The following ELMO1 variants were observed in gnomAD, a reference collection of about 807,000 sequenced individuals.
ELMO1 encodes engulfment and cell motility 1.
ELMO1 carries 26 observed loss-of-function variants against 98.9 expected under a neutral mutation model. That is an observed-to-expected ratio of 0.26 (90% CI 0.19 to 0.36). The LOEUF (loss-of-function observed/expected upper bound fraction) is 0.36. Among genes scored for constraint, ELMO1 ranks in the 10% least tolerant of loss-of-function variants. ELMO1 has a pLI of 1.00. For missense variants in ELMO1, 627 were observed against 935.2 expected (o/e 0.67, Z 4.30); for synonymous variants, 346 against 346.0 (o/e 1.00, Z 0.00).
At chr7:36,875,460 T>A (rs1414224293) in intron 19 of ELMO1, among the ~76,000 whole-genome samples, 1 of 152,220 alleles carries the variant, frequency 6.6e-6, no homozygotes, top group African/African-American at 2.4e-5. Flanking sequence ...CACACAAGTA[T>A]GCATTGTTAG....
intron 2 of ELMO1, among the ~76,000 whole-genome samples, chr7:37,317,081 CA>C (rs1342736742): frequency 6.6e-6 from 1 of 152,110 alleles, no homozygotes; most frequent in Non-Finnish European, 1.5e-5. Flanking sequence ...TAAATTAATA[CA>C]AAGGGCAAAA....
At chr7:37,442,572 A>T (rs1263563230) in intron 1 of ELMO1, among the ~76,000 whole-genome samples, 2 of 152,214 alleles carry the variant, frequency 1.3e-5, no homozygotes, top group South Asian at 2.1e-4. Context: ...AATAAATTGC[A>T]TTCTAGCTCA....
chr7:37,369,454 A>G (rs762958745), intron 1 of ELMO1, among the ~76,000 whole-genome samples: 1 of 152,184 alleles, frequency 6.6e-6, no homozygotes, highest in Non-Finnish European at 1.5e-5. Flanking sequence ...GATTAGGGAT[A>G]CTCAACCTGT....
At chr7:37,216,398 G>C (rs1047679317) in intron 11 of ELMO1, among the ~76,000 whole-genome samples, 4 of 151,868 alleles carry the variant, frequency 2.6e-5, no homozygotes, top group African/African-American at 9.7e-5. Context: ...GCCAGAATGC[G>C]TTCCCCCTTT....
intron 16 of ELMO1, among the ~76,000 whole-genome samples, chr7:36,945,105 A>G (rs1787364599): frequency 6.6e-6 from 1 of 152,162 alleles, no homozygotes; most frequent in Non-Finnish European, 1.5e-5. Flanking sequence ...TCATTACTTC[A>G]TTATTCACAG....
intron 15 of ELMO1, among the ~76,000 whole-genome samples, chr7:37,096,329 A>G (rs765543857): frequency 2.3e-4 from 35 of 152,084 alleles, no homozygotes; most frequent in Admixed American, 6.5e-4. Flanking sequence ...TTTTTTCCTG[A>G]ACAGAAGCAA....
At chr7:36,897,912 C>T (rs1031325054) in intron 16 of ELMO1, among the ~76,000 whole-genome samples, 3 of 152,144 alleles carry the variant, frequency 2.0e-5, no homozygotes, top group Non-Finnish European at 2.9e-5. Context: ...AGGCACCTGG[C>T]CCCAGAGGAA....
At chr7:37,022,244 A>G (rs1384102858) in intron 15 of ELMO1, among the ~76,000 whole-genome samples, 3 of 152,208 alleles carry the variant, frequency 2.0e-5, no homozygotes, top group African/African-American at 7.2e-5. Context: ...AAACTGTTTG[A>G]TTCTATTATA....
chr7:37,253,895 T>C lies in ELMO1; in HGVS notation c.413+5286A>G, dbSNP rs1265355889. On this transcript the variant is annotated intron_variant, in intron 6 of 21. Coordinates refer to ENST00000310758, the MANE Select transcript of ELMO1 (RefSeq NM_014800.11). ...ACGACCACCTTCTCCAGCTGGAACA[T>C]TGCCCAGGAGTCATGACTAAATGCC... Among the ~76,000 whole-genome samples the C allele has an allele frequency of 7.9e-5, 12 of 152,128 alleles. 1 individual carries two copies. The highest frequency in any genetic ancestry group is 7.9e-4 in the Admixed American group (12 of 15,260).
intron 5 of ELMO1, among the ~76,000 whole-genome samples, chr7:37,262,192 A>C (rs1192196913): frequency 6.6e-6 from 1 of 152,214 alleles, no homozygotes; most frequent in Non-Finnish European, 1.5e-5. Context: ...TTAAAATAAA[A>C]GAAGTGAGGA....
chr7:37,250,362 A>G (rs1428082303), intron 6 of ELMO1, among the ~76,000 whole-genome samples: 1 of 152,220 alleles, frequency 6.6e-6, no homozygotes, highest in Non-Finnish European at 1.5e-5. Context: ...GCCTGTGCAT[A>G]TGTGTGTATC....
intron 13 of ELMO1, among the ~76,000 whole-genome samples, chr7:37,157,646 A>T (rs962505916): frequency 3.9e-5 from 6 of 152,346 alleles, no homozygotes; most frequent in African/African-American, 1.4e-4. Flanking sequence ...CTACTGCTCA[A>T]CAAAATAAAA....
At chr7:36,931,586 C>T (rs1301435383) in intron 16 of ELMO1, among the ~76,000 whole-genome samples, 8 of 152,290 alleles carry the variant, frequency 5.3e-5, no homozygotes, top group African/African-American at 9.6e-5. Context: ...GGCAACACAG[C>T]GAGACTCCGT....
chr7:37,403,045 G>A (rs1049170823), intron 1 of ELMO1, among the ~76,000 whole-genome samples: 6 of 152,206 alleles, frequency 3.9e-5, no homozygotes, highest in African/African-American at 9.7e-5. Context: ...GCAAGCAACC[G>A]TGATGTCCTT....
At chr7:36,993,988 AC>A (rs1584488894) in intron 16 of ELMO1, among the ~76,000 whole-genome samples, 1 of 152,252 alleles carries the variant, frequency 6.6e-6, no homozygotes, top group Non-Finnish European at 1.5e-5. Flanking sequence ...GCTATTCTGA[AC>A]ATACACTGAG....
intron 15 of ELMO1, among the ~76,000 whole-genome samples, chr7:37,048,115 A>C (rs1215590022): frequency 6.6e-6 from 1 of 152,190 alleles, no homozygotes; most frequent in African/African-American, 2.4e-5. Context: ...TAGTGTCTGG[A>C]GCTGGTTAAT....
intron 4 of ELMO1, among the ~76,000 whole-genome samples, chr7:37,285,424 C>A (rs1480313889): frequency 6.6e-6 from 1 of 152,082 alleles, no homozygotes; most frequent in Non-Finnish European, 1.5e-5. Context: ...TGCAAATGTC[C>A]CCTAACACAA....
At chr7:37,158,764 G>C (rs1212656157) in intron 13 of ELMO1, among the ~76,000 whole-genome samples, 1 of 152,166 alleles carries the variant, frequency 6.6e-6, no homozygotes, top group Non-Finnish European at 1.5e-5. Context: ...CAAGAATCTA[G>C]AACTAGAAAT....
At chr7:37,119,244 G>A (rs959417313) in intron 14 of ELMO1, among the ~76,000 whole-genome samples, 5 of 152,240 alleles carry the variant, frequency 3.3e-5, no homozygotes, top group African/African-American at 1.2e-4. Context: ...GGTGGGCCTT[G>A]AGGAGAAGAA....
Sources: gnomAD v4.1 joint callset for allele counts (sites outside exome capture counted in the v4.1 genomes callset) on GRCh38, gnomAD v4.1.1 for gene constraint, MANE v1.5 for transcripts, NCBI Gene and HGNC (gene_info 2026-07-23, HGNC 2026-07-21) for gene names.